The following RUNDC3A variants were observed in gnomAD, a reference collection of about 807,000 sequenced individuals.
The protein encoded by RUNDC3A is RUN domain-containing protein 3A.
Under a neutral mutation model 53.9 loss-of-function variants are expected in RUNDC3A, and 28 were observed. The observed-to-expected ratio is 0.52, with a 90% CI of 0.38 to 0.71. The LOEUF is 0.71. Among genes scored for constraint, RUNDC3A ranks in the 30% least tolerant of loss-of-function variants. The pLI is 0.00. For missense variants in RUNDC3A, 491 were observed against 597.3 expected (o/e 0.82, Z 1.85); for synonymous variants, 232 against 249.4 (o/e 0.93, Z 0.66).
intron 1 of RUNDC3A, chr17:44,310,729 C>T (rs1371943172): frequency 2.4e-5 from 24 of 985,370 alleles, no homozygotes; most frequent in East Asian, 1.1e-4. Context: ...ACAGGGCTCC[C>T]GGGGGCAATG....
In RUNDC3A at chr17:44,315,078, C is replaced by T. The variant is rs2047830265; in HGVS notation, c.629+69C>T. On this transcript the variant is annotated intron_variant, in intron 6 of 10. Coordinates refer to ENST00000426726, the MANE Select transcript of RUNDC3A (RefSeq NM_001144825.2). This position sits in a 1 kb window ranked among gnomAD's most constrained non-coding sequence, Gnocchi z 6.1. ...GGGACATCCTGGGGACGTCCTGGTCCCACCGCCCTCAGCGGCCAGCGCAGA... is the reference window on the plus strand; with the variant it reads ...GGGACATCCTGGGGACGTCCTGGTCTCACCGCCCTCAGCGGCCAGCGCAGA... The T allele has an allele frequency of 1.2e-6, 2 of 1,609,232 alleles. No individual in the cohort carries two copies. Among genetic ancestry groups the T allele is most frequent in the Non-Finnish European group, 1.7e-6 (2 of 1,178,008 alleles).
chr17:44,314,685 G>GGGC, intron 4 of RUNDC3A, 50 bp from the exon 5 acceptor site: 3 of 1,217,534 alleles, frequency 2.5e-6, no homozygotes. Context: ...GGGGGGGGGG[G>GGGC]GGGCGCTCCA....
At chr17:44,317,625 C>CT (rs963238021) in intron 10 of RUNDC3A, 2 of 745,640 alleles carry the variant, frequency 2.7e-6, no homozygotes, top group African/African-American at 1.7e-5. Context: ...CCTGTCTTTT[C>CT]TTTTTTATAA....
chr17:44,315,555 A>G lies in RUNDC3A; in HGVS notation c.899A>G (p.Asn300Ser), dbSNP rs1398213374. 2.6e-6 allele frequency: 4 copies of G among 1,515,554 alleles called. No individual in the cohort carries two copies. Among genetic ancestry groups the G allele is most frequent in the Non-Finnish European group, 3.5e-6 (4 of 1,131,956 alleles). The allele number at this position is 1,515,554 out of a possible 1,614,324, so 93.9% of individuals were successfully genotyped here. ...QLQLEEAAAQ[N>S]QREKRELEGV... ...CAGCTGGAGGAGGCGGCGGCGCAGAACCAGCGCGAGAAACGGGAGCTGGAA... is the reference window on the plus strand; with the variant it reads ...CAGCTGGAGGAGGCGGCGGCGCAGAGCCAGCGCGAGAAACGGGAGCTGGAA... Residue 300 changes from asparagine (N) to serine (S), a missense_variant, in exon 8 of 11, where the codon AAC becomes AGC. Transcript: ENST00000426726. The surrounding 1 kb of genome is among the most constrained non-coding windows in gnomAD (Gnocchi z 6.1).
At chr17:44,309,444 A>G (rs147818740) in intron 1 of RUNDC3A, among the ~76,000 whole-genome samples, 2,305 of 152,274 alleles carry the variant, frequency 0.015, 31 homozygotes, top group South Asian at 0.1. Flanking sequence ...CTTCCAGGGA[A>G]GGGTGAGGGG....
In RUNDC3A at chr17:44,315,040, G is replaced by C. The variant is rs770032619; in HGVS notation, c.629+31G>C. The C allele has an allele frequency of 3.0e-5, 49 of 1,612,850 alleles. No homozygotes were observed. The East Asian group carries it at 1.0e-3, about 34-fold the overall frequency. On this transcript the variant is annotated intron_variant, in intron 6 of 10. Transcript: ENST00000426726. This position sits in a 1 kb window ranked among gnomAD's most constrained non-coding sequence, Gnocchi z 6.1. ...CGGCTCCATGACTGCGGCGGGGCGG[G>C]GGACGGGGCCTCGGGACATCCTGGG... is the stretch of plus-strand genomic sequence containing the variant.
chr17:44,311,984 G>A (rs955055981), intron 1 of RUNDC3A, among the ~76,000 whole-genome samples: 4 of 151,888 alleles, frequency 2.6e-5, no homozygotes, highest in Admixed American at 1.3e-4. Context: ...AGGCCAAGCC[G>A]GGAAGGAAAG....
At position 44,314,807 on chromosome 17, in the gene RUNDC3A, G is replaced by A. The variant is rs757065047; in HGVS notation, c.531G>A (p.Leu177=). Residue 177 remains leucine (L), a synonymous_variant, in exon 5 of 11, where the codon CTG becomes CTA. Coordinates refer to ENST00000426726, the MANE Select transcript of RUNDC3A (RefSeq NM_001144825.2). Reference sequence around the variant, plus strand: ...TCCTCACCGGAATGCTGATCGGACTGAGCGCCATCGACTTCAGGTGGGGTC... The same window carrying A: ...TCCTCACCGGAATGCTGATCGGACTAAGCGCCATCGACTTCAGGTGGGGTC... ...ATILTGMLIG[L]SAIDFSFCLK... 9 of 1,613,826 alleles carry A rather than the reference G, an allele frequency of 5.6e-6. No homozygotes were observed. The highest frequency in any genetic ancestry group is 5.0e-5 in the Admixed American group (3 of 59,996).
chr17:44,318,317 A>C lies in RUNDC3A; in HGVS notation c.*79A>C. 13 of 1,425,034 alleles carry C rather than the reference A, an allele frequency of 9.1e-6. No individual in the cohort carries two copies. The highest frequency in any genetic ancestry group is 1.3e-5 in the South Asian group (1 of 79,604). 88.3% of individuals were successfully genotyped at this position (1,425,034 alleles called of 1,614,324 possible). On this transcript the variant is annotated 3_prime_UTR_variant, in exon 11 of 11. Transcript: ENST00000426726. The stretch of plus-strand genomic sequence containing the variant: ...ACCTTTCTTCAACAAGAGTCCCCCA[A>C]TCCAGGCTACCCTTCCAGAGAACGC...
intron 4 of RUNDC3A, chr17:44,313,861 A>G (rs1334109907): frequency 1.3e-6 from 1 of 761,356 alleles, no homozygotes; most frequent in Non-Finnish European, 1.6e-6. Flanking sequence ...TTGTATTTTT[A>G]GTTTCTCCAT....
chr17:44,316,991 T>G, intron 10 of RUNDC3A: 2 of 457,174 alleles, frequency 4.4e-6, no homozygotes, highest in South Asian at 8.2e-5. Context: ...CGCAGCTAAT[T>G]TGTGTATTTT....
chr17:44,310,991 GCT>G (rs2144673054), intron 1 of RUNDC3A: 2 of 985,494 alleles, frequency 2.0e-6, no homozygotes, highest in East Asian at 2.3e-4. Flanking sequence ...CCCTGCCTGG[GCT>G]CTCAACCAAA....
intron 10 of RUNDC3A, 121 bp from the exon 11 acceptor site, chr17:44,317,975 T>C (rs2047906138): frequency 1.0e-6 from 1 of 998,964 alleles, no homozygotes; most frequent in South Asian, 1.6e-5. Context: ...TGGCAAATGC[T>C]GTGGAATATG....
intron 8 of RUNDC3A, among the ~76,000 whole-genome samples, chr17:44,316,157 A>C (rs1028620853): frequency 6.6e-6 from 1 of 151,220 alleles, no homozygotes; most frequent in African/African-American, 2.4e-5. Context: ...CCCCAACAAC[A>C]CTGCACCATT....
Position 44,316,624 on chromosome 17 carries a change from G to A in RUNDC3A, c.1097G>A (p.Ser366Asn). The A allele has an allele frequency of 1.3e-6, 2 of 1,551,932 alleles. No individual in the cohort carries two copies. The highest frequency in any genetic ancestry group is 8.7e-7 in the Non-Finnish European group (1 of 1,147,600). Residue 366 changes from serine to asparagine, a missense_variant, in exon 10 of 11, where the codon AGC (serine) becomes AAC (asparagine). This residue lies in a region of RUNDC3A where 218 missense variants were observed against 208.2 expected (regional missense o/e 1.05). Transcript: ENST00000426726. ...CAGCTCTCGCTCTGCCGCAGACACAGCTTCATGAGCACGGAGCCGCTGTCA... is the reference window on the plus strand; with the variant it reads ...CAGCTCTCGCTCTGCCGCAGACACAACTTCATGAGCACGGAGCCGCTGTCA... Reference protein sequence around the residue: ...ASNSKLYRRHSFMSTEPLSAE... With the variant: ...ASNSKLYRRHNFMSTEPLSAE...
rs1488670575 is a variant in RUNDC3A, at chr17:44,308,931, C to G, written c.99C>G (p.Thr33=). 2.7e-6 allele frequency: 4 copies of G among 1,465,788 alleles called. No individual in the cohort carries two copies. In the East Asian group the frequency reaches 1.2e-4, roughly 43 times the overall value. The allele number at this position is 1,465,788 out of a possible 1,614,324, so 90.8% of individuals were successfully genotyped here. The change falls in exon 1 of 11, where the codon ACC becomes ACG. Residue 33 remains threonine, a synonymous_variant. Coordinates refer to ENST00000426726, the MANE Select transcript of RUNDC3A (RefSeq NM_001144825.2). ...NVAVERKNLI[T]VCRFSVKTLL... is the part of the protein sequence containing the mutation. ...CTGTGGAGCGTAAGAACCTGATCAC[C>G]GTGTGCAGGTGGGCACCGCTAGTGG...
Position 44,316,601 on chromosome 17 carries a change from G to C in RUNDC3A, c.1092-18G>C, listed in dbSNP as rs763358865. On this transcript the variant is annotated intron_variant, in intron 9 of 10. Transcript: ENST00000426726. ...AAGGGCTTCCTCTACCGGCGCACCA[G>C]CTCTCGCTCTGCCGCAGACACAGCT... 2 of 1,555,360 alleles carry C rather than the reference G, an allele frequency of 1.3e-6. No individual in the cohort carries two copies. The highest frequency in any genetic ancestry group is 2.4e-5 in the South Asian group (2 of 84,804).
At position 44,316,425 on chromosome 17, in the gene RUNDC3A, G is replaced by A. The variant is rs748663000; in HGVS notation, c.994G>A (p.Gly332Ser). 4.3e-6 allele frequency: 7 copies of A among 1,613,796 alleles called. No homozygotes were observed. The highest frequency in any genetic ancestry group is 1.7e-4 in the Middle Eastern group (1 of 6,060). ...IPSDHAPLAQ[G>S]SKELTTPLVN... ...CAGTGACCACGCCCCTCTGGCCCAGGGTTCCAAGGAGCTCACTACACCCCT... is the reference window on the plus strand; with the variant it reads ...CAGTGACCACGCCCCTCTGGCCCAGAGTTCCAAGGAGCTCACTACACCCCT... The change falls in exon 9 of 11, where the codon GGT becomes AGT. Residue 332 changes from glycine to serine, a missense_variant. Transcript: ENST00000426726.
intron 1 of RUNDC3A, chr17:44,310,681 C>A: frequency 1.0e-6 from 1 of 985,376 alleles, no homozygotes; most frequent in East Asian, 1.1e-4. Flanking sequence ...CCATGGTAAC[C>A]TGCAGCAGCC....
Sources: gnomAD v4.1 joint callset for allele counts (sites outside exome capture counted in the v4.1 genomes callset) on GRCh38, gnomAD v4.1.1 for gene constraint, gnomAD v4.1.1 regional missense constraint, Gnocchi (gnomAD v3.1) non-coding constraint, MANE v1.5 for transcripts, NCBI Gene and HGNC (gene_info 2026-07-23, HGNC 2026-07-21) for gene names.